The following CFAP20DC variants were observed in gnomAD, a reference collection of about 807,000 sequenced individuals.
CFAP20DC encodes the protein protein CFAP20DC.
Under a neutral mutation model 101.7 loss-of-function variants are expected in CFAP20DC, and 84 were observed. That is an observed-to-expected ratio of 0.83 (90% CI 0.69 to 0.99). CFAP20DC has a LOEUF of 0.99. Ranked by LOEUF, CFAP20DC falls within the 50% of genes least tolerant of loss-of-function variation. CFAP20DC has a pLI of 0.00. For synonymous variants in CFAP20DC, 359 were observed against 351.2 expected (o/e 1.02, Z -0.25); for missense variants, 1,007 against 970.3 (o/e 1.04, Z -0.50).
intron 14 of CFAP20DC, among the ~76,000 whole-genome samples, chr3:58,825,029 C>T (rs529980990): frequency 6.6e-6 from 1 of 151,904 alleles, no homozygotes; most frequent in South Asian, 2.1e-4. Flanking sequence ...GGTAGCTGCA[C>T]AATAAACCTA....
chr3:58,913,694 C>T lies in CFAP20DC; in HGVS notation c.550+14G>A. ...TCAGAGAATTAAAAAATCTTGATAG[C>T]AACCTGAACATACCATCCTTATCAG... On this transcript the variant is annotated intron_variant, in intron 6 of 16. Coordinates refer to ENST00000482387, the MANE Select transcript of CFAP20DC (RefSeq NM_001394063.1). This position sits in a 1 kb window ranked among gnomAD's most constrained non-coding sequence, Gnocchi z 4.4. 4 of 1,613,098 alleles carry T rather than the reference C, an allele frequency of 2.5e-6. No individual in the cohort carries two copies. The highest frequency in any genetic ancestry group is 3.4e-6 in the Non-Finnish European group (4 of 1,179,330).
chr3:58,752,047 CT>C (rs1192837238), intron 16 of CFAP20DC, among the ~76,000 whole-genome samples: 1 of 152,150 alleles, frequency 6.6e-6, no homozygotes, highest in East Asian at 1.9e-4. Context: ...CATAATTTTT[CT>C]TTGACACTTT....
chr3:58,796,173 T>A (rs1575662481), intron 15 of CFAP20DC, among the ~76,000 whole-genome samples: 1 of 152,000 alleles, frequency 6.6e-6, no homozygotes, highest in Non-Finnish European at 1.5e-5. Flanking sequence ...GCTTGGCAGG[T>A]CAACAAGTAC....
At chr3:58,827,129 G>T (rs941233331) in intron 14 of CFAP20DC, among the ~76,000 whole-genome samples, 2 of 152,092 alleles carry the variant, frequency 1.3e-5, no homozygotes, top group African/African-American at 4.8e-5. Flanking sequence ...GTCAATGGAG[G>T]TTCATTAATT....
At chr3:59,019,524 T>G (rs1008020101) in intron 4 of CFAP20DC, among the ~76,000 whole-genome samples, 1 of 151,946 alleles carries the variant, frequency 6.6e-6, no homozygotes, top group African/African-American at 2.4e-5. Flanking sequence ...TAAATGACCC[T>G]GCAGGACAGA....
intron 7 of CFAP20DC, among the ~76,000 whole-genome samples, chr3:58,876,377 T>C (rs766963052): frequency 6.6e-6 from 1 of 152,078 alleles, no homozygotes; most frequent in Non-Finnish European, 1.5e-5. Context: ...AAAGTTTCCA[T>C]AATGAGAAAA....
chr3:58,842,858 G>A (rs1366118952), intron 13 of CFAP20DC, among the ~76,000 whole-genome samples: 2 of 152,208 alleles, frequency 1.3e-5, no homozygotes, highest in Admixed American at 1.3e-4. Flanking sequence ...CCTGACCCCT[G>A]ACCCCCGAGC....
chr3:58,817,274 A>G (rs1487848273), intron 14 of CFAP20DC, among the ~76,000 whole-genome samples: 2 of 152,230 alleles, frequency 1.3e-5, no homozygotes, highest in Admixed American at 1.3e-4. Flanking sequence ...AGAGCAACGG[A>G]ACAAAGCTGG....
intron 14 of CFAP20DC, among the ~76,000 whole-genome samples, chr3:58,809,171 G>C (rs1196495742): frequency 6.6e-6 from 1 of 152,016 alleles, no homozygotes; most frequent in Non-Finnish European, 1.5e-5. Flanking sequence ...AGGATACCCA[G>C]GAATTGAACT....
chr3:58,973,834 C>T (rs186507216), intron 4 of CFAP20DC, among the ~76,000 whole-genome samples: 42 of 152,198 alleles, frequency 2.8e-4, no homozygotes, highest in Admixed American at 1.9e-3. Flanking sequence ...GAACTAGAGT[C>T]AGAGCAATTG....
chr3:58,747,524 T>C (rs563086309), intron 16 of CFAP20DC, among the ~76,000 whole-genome samples: 51 of 152,330 alleles, frequency 3.3e-4, no homozygotes, highest in Middle Eastern at 3.4e-3. Flanking sequence ...AATCAAGACA[T>C]TGAACTGGAT....
intron 12 of CFAP20DC, among the ~76,000 whole-genome samples, chr3:58,849,792 G>T (rs918214169): frequency 6.6e-6 from 1 of 152,024 alleles, no homozygotes; most frequent in Non-Finnish European, 1.5e-5. Flanking sequence ...TAACTCCATG[G>T]AAAAAGAAAC....
At chr3:58,893,828 G>A (rs2082449869) in intron 6 of CFAP20DC, among the ~76,000 whole-genome samples, 1 of 151,098 alleles carries the variant, frequency 6.6e-6, no homozygotes, top group Non-Finnish European at 1.5e-5. Context: ...TTTTCATGCT[G>A]CTGATAAAGA....
intron 5 of CFAP20DC, among the ~76,000 whole-genome samples, chr3:58,924,469 T>C (rs1343348927): frequency 6.6e-6 from 1 of 152,162 alleles, no homozygotes; most frequent in Non-Finnish European, 1.5e-5. Context: ...CTTTACCCAA[T>C]CATCTGATGA....
At chr3:58,738,723 T>C (rs1403803594), downstream of CFAP20DC, among the ~76,000 whole-genome samples, 1 of 152,216 alleles carries the variant, frequency 6.6e-6, no homozygotes, top group Non-Finnish European at 1.5e-5. This position sits in a 1 kb window ranked among gnomAD's most constrained non-coding sequence, Gnocchi z 4.4. Flanking sequence ...GATTGCTGGG[T>C]CAAATGGTAT....
chr3:59,030,842 G>C (rs1405836982), intron 4 of CFAP20DC, among the ~76,000 whole-genome samples: 3 of 150,512 alleles, frequency 2.0e-5, no homozygotes, highest in African/African-American at 7.3e-5. Context: ...TGTTTTTTTT[G>C]AGACGGAGTC....
At position 58,867,291 on chromosome 3, in the gene CFAP20DC, C is replaced by T. The variant is rs181964579; in HGVS notation, c.1135+526G>A. On this transcript the variant is annotated intron_variant, in intron 10 of 16. Coordinates refer to ENST00000482387, the MANE Select transcript of CFAP20DC (RefSeq NM_001394063.1). The stretch of plus-strand genomic sequence containing the variant: ...TATACTAATCTACATATACATGCCT[C>T]GAATCCAATATTTAAGGGAATAACT... Among the ~76,000 whole-genome samples the T allele has an allele frequency of 3.3e-5, 5 of 152,142 alleles. No homozygotes were observed. The East Asian group carries it at 5.8e-4, about 18-fold the overall frequency.
chr3:58,781,375 A>G (rs976436974), intron 15 of CFAP20DC, among the ~76,000 whole-genome samples: 2 of 151,968 alleles, frequency 1.3e-5, no homozygotes, highest in Admixed American at 6.6e-5. Context: ...CAATCTAATG[A>G]TGCACTTTTA....
chr3:58,733,447 T>G (rs902635664), intron 3 of CFAP20DC, among the ~76,000 whole-genome samples: 1 of 152,050 alleles, frequency 6.6e-6, no homozygotes, highest in African/African-American at 2.4e-5. Context: ...AGGGAAAAAA[T>G]GTATTAACAG....
Sources: gnomAD v4.1 joint callset for allele counts (sites outside exome capture counted in the v4.1 genomes callset) on GRCh38, gnomAD v4.1.1 for gene constraint, Gnocchi (gnomAD v3.1) non-coding constraint, MANE v1.5 for transcripts, NCBI Gene and HGNC (gene_info 2026-07-23, HGNC 2026-07-21) for gene names.